Variants in CRLF1 observed in about 807,000 individuals in gnomAD.
CRLF1 encodes cytokine receptor-like factor 1.
CRLF1 carries 36 observed loss-of-function variants against 48.9 expected under a neutral mutation model. That is an observed-to-expected ratio of 0.74 (90% CI 0.56 to 0.97). CRLF1 has a LOEUF of 0.97. Ranked by LOEUF, CRLF1 falls within the 50% of genes least tolerant of loss-of-function variation. The pLI, the probability that CRLF1 is intolerant of heterozygous loss-of-function variation, is 0.00. For synonymous variants in CRLF1, 256 were observed against 253.4 expected, an observed-to-expected ratio of 1.01 and a Z score of -0.10; for missense variants, 534 against 575.1, an observed-to-expected ratio of 0.93 and a Z score of 0.73.
Position 18,603,822 on chromosome 19 carries a change from C to T in CRLF1, c.115+2720G>A, listed in dbSNP as rs531052545. 1.1e-3 allele frequency among the ~76,000 whole-genome samples: 146 copies of T among 130,548 alleles called. 1 individual carries two copies. Among genetic ancestry groups the T allele is most frequent in the Non-Finnish European group, 1.9e-3 (119 of 64,018 alleles). The allele number at this position is 130,548 out of a possible 152,430, so 85.6% of individuals were successfully genotyped here. On this transcript the variant is annotated intron_variant, in intron 1 of 8. Coordinates refer to ENST00000392386, the MANE Select transcript of CRLF1 (RefSeq NM_004750.5). ...GCTTGGGGCTTGGCCCAGGGCTCGC[C>T]GGAGGTCTCCGCGTCCGTGCGAAGG...
chr19:18,605,426 C>T (rs1242074718), intron 1 of CRLF1, among the ~76,000 whole-genome samples: 1 of 152,234 alleles, frequency 6.6e-6, no homozygotes, highest in Non-Finnish European at 1.5e-5. Context: ...TGCCCGGCGA[C>T]CCCCGGGGTG....
At chr19:18,601,292 T>C (rs77019766) in intron 1 of CRLF1, among the ~76,000 whole-genome samples, 1 of 152,044 alleles carries the variant, frequency 6.6e-6, no homozygotes, top group African/African-American at 2.4e-5. Context: ...TTTTTTTTTT[T>C]TGAGACGGAG....
Position 18,599,664 on chromosome 19 carries a change from G to T in CRLF1, c.298C>A (p.Leu100Met). The T allele has an allele frequency of 6.2e-7, 1 of 1,613,440 alleles. No homozygotes were observed. Among genetic ancestry groups the T allele is most frequent in the Non-Finnish European group, 8.5e-7 (1 of 1,179,870 alleles). ...TGCCTGGACCCATTGAGGTTGGCCA[G>T]GGCCAGAGCCAAGGTGGAGGCGTTG... ...VLNASTLALA[L>M]ANLNGSRQRS... The change falls in exon 2 of 9, where the codon CTG becomes ATG. Residue 100 changes from leucine to methionine, a missense_variant. Physicochemically the swap from Leu to Met is conservative, Grantham distance 15. Transcript: ENST00000392386.
intron 2 of CRLF1, chr19:18,599,156 A>G: frequency 3.1e-6 from 3 of 972,386 alleles, no homozygotes; most frequent in South Asian, 4.8e-5. Flanking sequence ...CCCAGGCTGG[A>G]GTGCAATGGT....
rs894153867 is a variant in CRLF1, at chr19:18,593,269, CTT to C, written c.*295_*296del. On this transcript the variant is annotated 3_prime_UTR_variant, in exon 9 of 9. Coordinates refer to ENST00000392386, the MANE Select transcript of CRLF1 (RefSeq NM_004750.5). ...AATAGCTCATTTATTTAAAAGGACT[CTT>C]TTGGAGGGGCCCTAGGTAATGGGGA... The C allele has an allele frequency of 5.0e-5, 22 of 443,510 alleles. No homozygotes were observed. The highest frequency in any genetic ancestry group is 8.2e-5 in the Non-Finnish European group (20 of 242,942). 27.5% of individuals were successfully genotyped at this position (443,510 alleles called of 1,614,324 possible). A position where few individuals can be genotyped will look rare whatever the true frequency, so the allele number is the denominator to read the frequency against.
At chr19:18,593,956 C>A in intron 8 of CRLF1, 109 bp downstream of exon 8, 1 of 1,499,036 alleles carries the variant, frequency 6.7e-7, no homozygotes. Context: ...TCCATCTCAG[C>A]GACTCTAAGG....
chr19:18,594,032 T>TTGGGACC, intron 8 of CRLF1, 33 bp downstream of exon 8: 1 of 695,812 alleles, frequency 1.4e-6, no homozygotes, highest in Non-Finnish European at 2.2e-6. Context: ...CTCCCCTTGC[T>TTGGGACC]CCCTCCCGCC....
At chr19:18,599,539 C>G in intron 2 of CRLF1, 26 bp downstream of exon 2, 4 of 1,611,710 alleles carry the variant, frequency 2.5e-6, no homozygotes, top group Non-Finnish European at 3.4e-6. Context: ...AGAGCTACCC[C>G]TGGGGTGTCC....
At chr19:18,601,755 C>T (rs962125942) in intron 1 of CRLF1, among the ~76,000 whole-genome samples, 2 of 152,150 alleles carry the variant, frequency 1.3e-5, no homozygotes, top group African/African-American at 4.8e-5. Context: ...TGGGCTAAGA[C>T]TACCTACATT....
chr19:18,598,759 G>C lies in CRLF1; in HGVS notation c.527+13C>G, dbSNP rs371948376. 70 of 1,614,006 alleles carry C rather than the reference G, an allele frequency of 4.3e-5. No individual in the cohort carries two copies. Among genetic ancestry groups the C allele is most frequent in the African/African-American group, 2.7e-5 (2 of 74,900 alleles). On this transcript the variant is annotated intron_variant, in intron 3 of 8. Transcript: ENST00000392386. ...GCCTGGGACACACACATCGCCCTCA[G>C]GCCACCACCAACCTAAGCTTGTACT...
chr19:18,604,615 C>T (rs1442658477), intron 1 of CRLF1, among the ~76,000 whole-genome samples: 1 of 152,182 alleles, frequency 6.6e-6, no homozygotes, highest in Non-Finnish European at 1.5e-5. Context: ...GCACTCCCTC[C>T]AGGCCTCCAC....
intron 1 of CRLF1, among the ~76,000 whole-genome samples, chr19:18,605,496 C>T (rs1976279807): frequency 6.6e-6 from 1 of 152,220 alleles, no homozygotes; most frequent in Admixed American, 6.5e-5. Context: ...GTGGTGCCTG[C>T]CTCTGTGCCC....
chr19:18,604,995 C>T (rs1403172404), intron 1 of CRLF1, among the ~76,000 whole-genome samples: 10 of 152,150 alleles, frequency 6.6e-5, no homozygotes, highest in Non-Finnish European at 1.0e-4. Flanking sequence ...CCCCATCTCC[C>T]GTCCCGCTGG....
At position 18,596,634 on chromosome 19, in the gene CRLF1, T is replaced by A. The variant is rs1444811758; in HGVS notation, c.1012A>T (p.Thr338Ser). The change falls in exon 6 of 9, where the codon ACT (threonine) becomes TCT (serine). Residue 338 changes from threonine (T) to serine (S), a missense_variant. Thr to Ser is a moderately conservative substitution (Grantham distance 58). This residue lies in a region of CRLF1 where 528 missense variants were observed against 555.7 expected (regional missense o/e 0.95). Coordinates refer to ENST00000392386, the MANE Select transcript of CRLF1 (RefSeq NM_004750.5). ...SEWSHPTAAS[T>S]PRSERPGPGG... is the part of the protein sequence containing the mutation. ...GGAGGGTGCTCACCACTGCGGGGAG[T>A]GGAGGCGGCTGTGGGGTGGCTCCAC... 1.4e-5 allele frequency: 23 copies of A among 1,612,288 alleles called. No individual in the cohort carries two copies. The highest frequency in any genetic ancestry group is 1.9e-5 in the Non-Finnish European group (22 of 1,179,632).
intron 1 of CRLF1, 38 bp from the exon 2 acceptor site, chr19:18,599,884 G>A: frequency 6.8e-7 from 1 of 1,481,100 alleles, no homozygotes; most frequent in Non-Finnish European, 9.0e-7. Flanking sequence ...GCCAGGGCGG[G>A]GACCCTCCAA....
chr19:18,596,534 A>T, intron 6 of CRLF1, 88 bp downstream of exon 6: 10 of 1,505,434 alleles, frequency 6.6e-6, no homozygotes, highest in Non-Finnish European at 9.0e-6. Flanking sequence ...TCTCAAAAGA[A>T]AAAAAAAAGA....
In CRLF1 at chr19:18,599,718, G is replaced by T. The variant is rs752738274; in HGVS notation, c.244C>A (p.Arg82Ser). The T allele has an allele frequency of 1.2e-6, 2 of 1,608,090 alleles. No homozygotes were observed. Among genetic ancestry groups the T allele is most frequent in the Admixed American group, 3.4e-5 (2 of 58,838 alleles). ...EGLYWTLNGR[R>S]LPPELSRVLN... ...ACACGGGAGAGCTCAGGGGGCAGGC[G>T]GCGCCCGTTGAGGGTCCAGTAGAGG... The change falls in exon 2 of 9, where the codon CGC becomes AGC. Residue 82 changes from arginine (R) to serine (S), a missense_variant. Coordinates refer to ENST00000392386, the MANE Select transcript of CRLF1 (RefSeq NM_004750.5).
chr19:18,604,145 C>T (rs952529250), intron 1 of CRLF1, among the ~76,000 whole-genome samples: 83 of 152,166 alleles, frequency 5.5e-4, no homozygotes, highest in Non-Finnish European at 7.4e-5. Context: ...TTGGCCTGGG[C>T]AGGAAGGGGC....
In CRLF1 at chr19:18,599,815, C is replaced by A; in HGVS notation, c.147G>T (p.Thr49=). The change falls in exon 2 of 9, where the codon ACG becomes ACT. Residue 49 remains threonine (T), a synonymous_variant. Transcript: ENST00000392386. ...HTAVISPQDP[T]LLIGSSLLAT... is the part of the protein sequence containing the mutation. ...CCAGCAGGGAGGAGCCGATGAGAAG[C>A]GTGGGATCCTGGGGACTGATCACAG... is the stretch of plus-strand genomic sequence containing the variant. 6.4e-7 allele frequency: 1 copy of A among 1,566,626 alleles called. No individual in the cohort carries two copies.
Sources: allele counts gnomAD v4.1 joint callset (sites outside exome capture counted in the v4.1 genomes callset), GRCh38; gene constraint gnomAD v4.1.1; regional missense constraint gnomAD v4.1.1; transcripts MANE v1.5; gene names NCBI Gene and HGNC (gene_info 2026-07-23, HGNC 2026-07-21).